Variants in SCHIP1 observed in about 807,000 individuals in gnomAD.
SCHIP1 encodes the protein schwannomin interacting protein 1.
Under a neutral mutation model 29.7 loss-of-function variants are expected in SCHIP1, and 8 were observed. The ratio of observed to expected loss-of-function variants is 0.27; its 90% CI spans 0.16 to 0.49. The LOEUF (loss-of-function observed/expected upper bound fraction) is 0.49, where lower values mean the gene tolerates loss of function less well. Among genes scored for constraint, SCHIP1 ranks in the 20% least tolerant of loss-of-function variants. SCHIP1 has a pLI of 0.99. For missense variants in SCHIP1, 193 were observed against 294.6 expected (o/e 0.66, Z 2.52); for synonymous variants, 76 against 94.9 (o/e 0.80, Z 1.16).
At chr3:159,747,515 G>A in the SCHIP1 span, among the ~76,000 whole-genome samples, 1 of 152,260 alleles carries the variant, frequency 6.6e-6, no homozygotes, top group Middle Eastern at 3.4e-3. Context: ...TGTTGTTTAG[G>A]ATGAGACAAA....
At chr3:159,440,400 G>T in the SCHIP1 span, among the ~76,000 whole-genome samples, 4 of 152,058 alleles carry the variant, frequency 2.6e-5, no homozygotes, top group African/African-American at 9.7e-5. Flanking sequence ...CCCTCAAAAA[G>T]CTTGCTTAAT....
chr3:159,881,762 C>T (rs538783539), intron 2 of SCHIP1, among the ~76,000 whole-genome samples: 67 of 152,340 alleles, frequency 4.4e-4, no homozygotes, highest in African/African-American at 1.4e-3. Flanking sequence ...AAGCCATCCA[C>T]GTCAGTAGCA....
At chr3:159,279,239 A>T in the SCHIP1 span, among the ~76,000 whole-genome samples, 4,460 of 152,130 alleles carry the variant, frequency 0.029, 215 homozygotes, top group African/African-American at 0.1. Context: ...GTCTCATGAG[A>T]TCTGATGGTT....
the SCHIP1 span, among the ~76,000 whole-genome samples, chr3:159,458,712 G>A: frequency 6.6e-6 from 1 of 152,152 alleles, no homozygotes; most frequent in East Asian, 1.9e-4. Context: ...GCACACTGAA[G>A]AGAAGAACAG....
At chr3:159,800,239 AC>A in the SCHIP1 span, among the ~76,000 whole-genome samples, 1 of 152,196 alleles carries the variant, frequency 6.6e-6, no homozygotes, top group African/African-American at 2.4e-5. Context: ...CCAAGTTGAT[AC>A]CCACCTCCCT....
chr3:159,451,124 T>C, the SCHIP1 span, among the ~76,000 whole-genome samples: 2 of 152,174 alleles, frequency 1.3e-5, no homozygotes, highest in African/African-American at 4.8e-5. Context: ...AGTATTCTTG[T>C]AATGACTATG....
At chr3:159,503,647 C>T in the SCHIP1 span, among the ~76,000 whole-genome samples, 1 of 152,150 alleles carries the variant, frequency 6.6e-6, no homozygotes, top group Non-Finnish European at 1.5e-5. Context: ...CTGTTAATGA[C>T]ATGGCTCTCA....
the SCHIP1 span, among the ~76,000 whole-genome samples, chr3:159,802,183 T>G: frequency 3.9e-5 from 6 of 152,236 alleles, no homozygotes; most frequent in Non-Finnish European, 8.8e-5. Context: ...CTTATTTATT[T>G]ATTTTTATTT....
At chr3:159,407,531 T>G in the SCHIP1 span, among the ~76,000 whole-genome samples, 545 of 152,324 alleles carry the variant, frequency 3.6e-3, 2 homozygotes, top group African/African-American at 0.012. Flanking sequence ...ATAGACCAAA[T>G]GGACCCAATA....
the SCHIP1 span, among the ~76,000 whole-genome samples, chr3:159,834,266 T>C: frequency 2.0e-5 from 3 of 152,238 alleles, no homozygotes; most frequent in Admixed American, 6.5e-5. Flanking sequence ...AATCTAGATC[T>C]ACAAAATACA....
At chr3:159,718,040 G>C in the SCHIP1 span, among the ~76,000 whole-genome samples, 1 of 152,216 alleles carries the variant, frequency 6.6e-6, no homozygotes, top group Non-Finnish European at 1.5e-5. Flanking sequence ...CCGTGATTAA[G>C]TGGGCTTCAT....
chr3:159,347,916 A>G, the SCHIP1 span, among the ~76,000 whole-genome samples: 1 of 152,178 alleles, frequency 6.6e-6, no homozygotes, highest in African/African-American at 2.4e-5. Context: ...ATATATCCCA[A>G]TTTGAAAAGA....
the SCHIP1 span, chr3:159,375,845 T>C: frequency 8.6e-6 from 6 of 699,126 alleles, no homozygotes; most frequent in African/African-American, 1.9e-5. Flanking sequence ...ATGAAAGGAT[T>C]TGGAAGTCAG....
intron 1 of SCHIP1, among the ~76,000 whole-genome samples, chr3:159,851,521 G>A (rs908430127): frequency 6.6e-6 from 1 of 151,088 alleles, no homozygotes; most frequent in African/African-American, 2.4e-5. Flanking sequence ...CATATAAAGT[G>A]CCTGGCACAT....
intron 3 of SCHIP1, 80 bp from the exon 5 acceptor site, chr3:159,887,628 A>G (rs891988542): frequency 2.0e-6 from 3 of 1,529,974 alleles, no homozygotes; most frequent in Non-Finnish European, 2.7e-6. Flanking sequence ...GAGAAGGCTC[A>G]GAGGATGTTG....
At chr3:159,475,574 TG>T in the SCHIP1 span, among the ~76,000 whole-genome samples, 28 of 152,182 alleles carry the variant, frequency 1.8e-4, no homozygotes, top group African/African-American at 5.8e-4. Context: ...TGAATTTTAT[TG>T]TATTTAAATT....
chr3:159,746,902 A>G, the SCHIP1 span, among the ~76,000 whole-genome samples: 1 of 152,232 alleles, frequency 6.6e-6, no homozygotes, highest in African/African-American at 2.4e-5. Context: ...CAATTCAAGT[A>G]TGATTCCTTT....
chr3:159,844,207 A>G (rs1431870219), intron 1 of SCHIP1, among the ~76,000 whole-genome samples: 1 of 152,200 alleles, frequency 6.6e-6, no homozygotes, highest in Non-Finnish European at 1.5e-5. Context: ...GTATCTTGCT[A>G]ATATGTAGAA....
chr3:159,528,012 A>C, the SCHIP1 span, among the ~76,000 whole-genome samples: 2 of 152,238 alleles, frequency 1.3e-5, no homozygotes, highest in African/African-American at 4.8e-5. Context: ...ATGGTTTCCA[A>C]GTCAAATTTT....
Sources: allele counts gnomAD v4.1 joint callset (sites outside exome capture counted in the v4.1 genomes callset), GRCh38; gene constraint gnomAD v4.1.1; transcripts MANE v1.5; gene names NCBI Gene and HGNC (gene_info 2026-07-23, HGNC 2026-07-21).